Variants in ADAMTS18 observed in about 807,000 individuals in gnomAD.
ADAMTS18 encodes ADAM metallopeptidase with thrombospondin type 1 motif 18.
ADAMTS18 carries 157 observed loss-of-function variants against 165.9 expected under a neutral mutation model. That is an observed-to-expected ratio of 0.95 (90% confidence interval 0.83 to 1.08). The LOEUF is 1.08. Ranked by LOEUF, ADAMTS18 falls within the 50% of genes least tolerant of loss-of-function variation. The pLI, the probability that ADAMTS18 is intolerant of heterozygous loss-of-function variation, is 0.00. For missense variants in ADAMTS18, 2,040 were observed against 1,534.0 expected (o/e 1.33, Z -5.51); for synonymous variants, 782 against 578.2 (o/e 1.35, Z -5.06).
At chr16:77,358,475 T>C (rs1389146734) in intron 8 of ADAMTS18, among the ~76,000 whole-genome samples, 1 of 151,968 alleles carries the variant, frequency 6.6e-6, no homozygotes, top group Non-Finnish European at 1.5e-5. Flanking sequence ...GGCAGGAGAA[T>C]CACTTGAACC....
rs1361949181 is a variant in ADAMTS18, at chr16:77,434,509, C to A, written c.91-4G>T. On this transcript the variant is annotated splice_region_variant and splice_polypyrimidine_tract_variant and intron_variant, in intron 1 of 22. Transcript: ENST00000282849. Reference sequence around the variant, plus strand: ...AGAGGCAGCACAGCTGGAGCGCCTGCAAGAGAAAAGGTGACATCGCGCGTG... The same window carrying A: ...AGAGGCAGCACAGCTGGAGCGCCTGAAAGAGAAAAGGTGACATCGCGCGTG... The A allele has an allele frequency of 1.3e-6, 2 of 1,555,604 alleles. No individual in the cohort carries two copies. Among genetic ancestry groups the A allele is most frequent in the Middle Eastern group, 1.7e-4 (1 of 5,998 alleles).
At position 77,293,196 on chromosome 16, in the gene ADAMTS18, T is replaced by C. The variant is rs376264920; in HGVS notation, c.3069A>G (p.Ala1023=). The C allele has an allele frequency of 1.4e-5, 23 of 1,613,924 alleles. No individual in the cohort carries two copies. In the African/African-American group the frequency reaches 2.4e-4, roughly 17 times the overall value. ...TACACTGGCTCTCGGGGAGGGTTTC[T>C]GCGGCAGAGCCCTTGCAGAGGAGTT... is the stretch of plus-strand genomic sequence containing the variant. ...KRELLCKGSA[A]ETLPESQCTS... Residue 1023 remains alanine (A), a synonymous_variant, in exon 20 of 23, where the codon GCA becomes GCG. Transcript: ENST00000282849.
rs769866607 is a variant in ADAMTS18 at position 77,367,714 on chromosome 16, T to A, written c.505A>T (p.Ile169Leu). ...VSTCAGLSGL[I>L]RTRKNEFLIS... The stretch of plus-strand genomic sequence containing the variant: ...AGGAATTCATTTTTTCGTGTCCTTA[T>A]TAAACCTGACTAAAAAGCCAAACAC... Residue 169 changes from isoleucine to leucine, a missense_variant, in exon 4 of 23, where the codon ATA (isoleucine) becomes TTA (leucine). Coordinates refer to ENST00000282849, the MANE Select transcript of ADAMTS18 (RefSeq NM_199355.4). The A allele has an allele frequency of 6.2e-7, 1 of 1,614,176 alleles. No homozygotes were observed. The highest frequency in any genetic ancestry group is 8.5e-7 in the Non-Finnish European group (1 of 1,180,018).
At chr16:77,297,213 G>A in intron 18 of ADAMTS18, 76 bp downstream of exon 18, 1 of 1,574,934 alleles carries the variant, frequency 6.3e-7, no homozygotes, top group Non-Finnish European at 8.7e-7. Context: ...TTCACAGTGA[G>A]CTTTCATCAT....
chr16:77,313,013 T>C lies in ADAMTS18; in HGVS notation c.2532+6836A>G, dbSNP rs181687766. Among the ~76,000 whole-genome samples the C allele has an allele frequency of 4.1e-4, 63 of 152,310 alleles. No homozygotes were observed. In the East Asian group the frequency reaches 7.9e-3, roughly 19 times the overall value. On this transcript the variant is annotated intron_variant, in intron 16 of 22. Transcript: ENST00000282849. ...CACACACGTATATTTATTGCGGCAC[T>C]ATTCACAATAGCAAAGACTCGGAAC...
At chr16:77,383,095 C>A (rs2057055466) in intron 3 of ADAMTS18, among the ~76,000 whole-genome samples, 1 of 152,166 alleles carries the variant, frequency 6.6e-6, no homozygotes, top group Non-Finnish European at 1.5e-5. Flanking sequence ...TCTTGAGCTC[C>A]TCTCTCTGTC....
At chr16:77,339,081 A>G (rs1258507390) in intron 11 of ADAMTS18, among the ~76,000 whole-genome samples, 2 of 152,176 alleles carry the variant, frequency 1.3e-5, no homozygotes, top group African/African-American at 4.8e-5. Context: ...GGTTCCAGTT[A>G]CAGAGAAACA....
At chr16:77,405,145 G>C (rs1193731300) in intron 3 of ADAMTS18, among the ~76,000 whole-genome samples, 1 of 152,098 alleles carries the variant, frequency 6.6e-6, no homozygotes, top group African/African-American at 2.4e-5. Flanking sequence ...GCCACCCCTG[G>C]GCTGGGACTG....
At position 77,363,893 on chromosome 16, in the gene ADAMTS18, A is replaced by G. The variant is rs1421049133; in HGVS notation, c.973-8T>C. 5.0e-6 allele frequency: 8 copies of G among 1,613,622 alleles called. No homozygotes were observed. Among genetic ancestry groups the G allele is most frequent in the Non-Finnish European group, 6.8e-6 (8 of 1,179,758 alleles). On this transcript the variant is annotated splice_region_variant and splice_polypyrimidine_tract_variant and intron_variant, in intron 5 of 22. Transcript: ENST00000282849. Reference sequence around the variant, plus strand: ...TTTAAATAGGCCAGAAACCTGTTGGAACAATGGAAATCAAACAAAATCTCA... The same window carrying G: ...TTTAAATAGGCCAGAAACCTGTTGGGACAATGGAAATCAAACAAAATCTCA...
intron 3 of ADAMTS18, among the ~76,000 whole-genome samples, chr16:77,400,396 C>A (rs912941429): frequency 2.7e-5 from 4 of 150,344 alleles, no homozygotes; most frequent in African/African-American, 9.9e-5. Flanking sequence ...GAGGGTAGAA[C>A]CCAGTGAACA....
At chr16:77,288,078 T>A (rs765498430) in intron 22 of ADAMTS18, among the ~76,000 whole-genome samples, 1 of 152,112 alleles carries the variant, frequency 6.6e-6, no homozygotes, top group Non-Finnish European at 1.5e-5. Context: ...CATTTAAGAC[T>A]TATTGAGTAC....
intron 3 of ADAMTS18, among the ~76,000 whole-genome samples, chr16:77,400,045 C>T (rs935437544): frequency 5.9e-5 from 9 of 152,260 alleles, no homozygotes; most frequent in African/African-American, 1.7e-4. Flanking sequence ...GGTTAATCAA[C>T]GCCCCATAGC....
At chr16:77,367,825 C>T (rs1277365691) in intron 3 of ADAMTS18, 102 bp from the exon 4 acceptor site, 6 of 1,374,998 alleles carry the variant, frequency 4.4e-6, no homozygotes, top group Non-Finnish European at 6.2e-6. Flanking sequence ...TATGTGGGCA[C>T]AGGAGCTAAA....
chr16:77,350,161 G>C (rs564721906), intron 10 of ADAMTS18, among the ~76,000 whole-genome samples: 1 of 152,318 alleles, frequency 6.6e-6, no homozygotes, highest in African/African-American at 2.4e-5. Flanking sequence ...ACTTGTTACA[G>C]AGGGAATCCT....
Position 77,434,470 on chromosome 16 carries a change from G to A in ADAMTS18, c.126C>T (p.Val42=). Residue 42 remains valine (V), a synonymous_variant, in exon 2 of 23, where the codon GTC becomes GTT. Coordinates refer to ENST00000282849, the MANE Select transcript of ADAMTS18 (RefSeq NM_199355.4). ...TGCTGTCACTGGCTAAGGCCGCGGC[G>A]ACCGACGCACAGCAGAGGCAGCACA... is the stretch of plus-strand genomic sequence containing the variant. ...LQLCCLCCAS[V]AAALASDSSS... is the part of the protein sequence containing the mutation. 3 of 1,570,722 alleles carry A rather than the reference G, an allele frequency of 1.9e-6. No homozygotes were observed. Among genetic ancestry groups the A allele is most frequent in the Non-Finnish European group, 1.7e-6 (2 of 1,163,360 alleles).
chr16:77,350,579 G>C (rs1342551941), intron 10 of ADAMTS18, among the ~76,000 whole-genome samples: 2 of 152,136 alleles, frequency 1.3e-5, no homozygotes, highest in Non-Finnish European at 2.9e-5. Context: ...GGAAATCTCG[G>C]AACAAAATTT....
rs1396279956 is a variant in ADAMTS18, at chr16:77,378,340, C to CAA, written c.496-10619_496-10618dup. ...CTTGTCTCAAAAACAAAAACAAAAACAAAAAAAAACAAAAAAAAAAAAAAC... is the reference window on the plus strand; with the variant it reads ...CTTGTCTCAAAAACAAAAACAAAAACAAAAAAAAAAACAAAAAAAAAAAAAAC... On this transcript the variant is annotated intron_variant, in intron 3 of 22. Coordinates refer to ENST00000282849, the MANE Select transcript of ADAMTS18 (RefSeq NM_199355.4). 2.6e-4 allele frequency among the ~76,000 whole-genome samples: 18 copies of CAA among 68,488 alleles called. No individual in the cohort carries two copies. In the East Asian group the frequency reaches 0.011, roughly 43 times the overall value. 44.9% of individuals were successfully genotyped at this position (68,488 alleles called of 152,430 possible).
rs1169713489 is a variant in ADAMTS18 at position 77,380,314 on chromosome 16, T to C, written c.496-12591A>G. 3.3e-5 allele frequency among the ~76,000 whole-genome samples: 5 copies of C among 152,242 alleles called. No homozygotes were observed. The South Asian group carries it at 8.3e-4, about 25-fold the overall frequency. On this transcript the variant is annotated intron_variant, in intron 3 of 22. Transcript: ENST00000282849. ...GGATGTAAATGTCATCTAGCAGCTC[T>C]TAATAGATATTAATAACATATTGAT...
intron 16 of ADAMTS18, among the ~76,000 whole-genome samples, chr16:77,313,795 A>G (rs182776997): frequency 1.1e-3 from 169 of 152,282 alleles, no homozygotes; most frequent in African/African-American, 3.9e-3. Flanking sequence ...CTGCTCTCTA[A>G]AACTGATACC....
Sources: allele counts gnomAD v4.1 joint callset (sites outside exome capture counted in the v4.1 genomes callset), GRCh38; gene constraint gnomAD v4.1.1; transcripts MANE v1.5; gene names NCBI Gene and HGNC (gene_info 2026-07-23, HGNC 2026-07-21).